The following ZSWIM5 variants were observed in gnomAD, a reference collection of about 807,000 sequenced individuals.
ZSWIM5 encodes zinc finger SWIM domain-containing protein 5.
A neutral mutation model predicts 119.6 loss-of-function variants in ZSWIM5; 55 were observed. That is an observed-to-expected ratio of 0.46 (90% CI 0.37 to 0.58). The LOEUF (loss-of-function observed/expected upper bound fraction) is 0.58, where lower values mean the gene tolerates loss of function less well. ZSWIM5 is among the 20% of genes least tolerant of loss of function. The pLI is 0.00. For synonymous variants in ZSWIM5, 537 were observed against 606.9 expected (o/e 0.88, Z 1.69); for missense variants, 1,193 against 1,512.8 (o/e 0.79, Z 3.51).
intron 1 of ZSWIM5, among the ~76,000 whole-genome samples, chr1:45,111,665 C>T (rs1299292632): frequency 6.6e-6 from 1 of 152,238 alleles, no homozygotes; most frequent in Non-Finnish European, 1.5e-5. Context: ...GCTCATAGCC[C>T]CTTCCTCCAC....
chr1:45,179,210 C>T (rs1251900908), intron 1 of ZSWIM5, among the ~76,000 whole-genome samples: 1 of 152,028 alleles, frequency 6.6e-6, no homozygotes, highest in Non-Finnish European at 1.5e-5. Flanking sequence ...AGGTGCCCAC[C>T]AACAGTGGGT....
intron 1 of ZSWIM5, among the ~76,000 whole-genome samples, chr1:45,151,379 T>C (rs1342723201): frequency 6.6e-6 from 1 of 152,074 alleles, no homozygotes; most frequent in Non-Finnish European, 1.5e-5. Context: ...GCTTGATGGA[T>C]GTTTGCAAAA....
chr1:45,156,755 T>TG (rs2149039857), intron 1 of ZSWIM5, among the ~76,000 whole-genome samples: 1 of 145,114 alleles, frequency 6.9e-6, no homozygotes, highest in Admixed American at 6.9e-5. Context: ...ACTGCACAGG[T>TG]GATTGAGAAA....
At chr1:45,136,189 T>A (rs1339455650) in intron 1 of ZSWIM5, among the ~76,000 whole-genome samples, 1 of 152,134 alleles carries the variant, frequency 6.6e-6, no homozygotes, top group Non-Finnish European at 1.5e-5. Flanking sequence ...GTAGGGCTTT[T>A]TATTATTTAG....
chr1:45,028,933 T>A (rs1458374228), intron 11 of ZSWIM5, among the ~76,000 whole-genome samples: 2 of 152,062 alleles, frequency 1.3e-5, no homozygotes, highest in Non-Finnish European at 2.9e-5. Flanking sequence ...AAAATAAAAT[T>A]TAAAACAAAT....
rs917889655 is a variant in ZSWIM5, at chr1:45,206,601, A to G, written c.-251T>C. On this transcript the variant is annotated 5_prime_UTR_variant, in exon 1 of 14. Coordinates refer to ENST00000359600, the MANE Select transcript of ZSWIM5 (RefSeq NM_020883.2). ...CGGTGTCCTGGCCGCCGCGGACGCGAAGACAGGCGGGAGCGAGCGCGGGCC... is the reference window on the plus strand; with the variant it reads ...CGGTGTCCTGGCCGCCGCGGACGCGGAGACAGGCGGGAGCGAGCGCGGGCC... The G allele has an allele frequency of 4.3e-6, 4 of 932,300 alleles. No individual in the cohort carries two copies. In the African/African-American group the frequency reaches 7.1e-5, roughly 17 times the overall value. 57.8% of individuals were successfully genotyped at this position (932,300 alleles called of 1,614,324 possible).
intron 1 of ZSWIM5, among the ~76,000 whole-genome samples, chr1:45,164,655 G>C (rs998760270): frequency 2.6e-5 from 4 of 151,934 alleles, no homozygotes; most frequent in Non-Finnish European, 1.5e-5. Context: ...AACAAAAGCA[G>C]GAGTTGCAAT....
chr1:45,058,386 T>C (rs554296831), intron 4 of ZSWIM5, among the ~76,000 whole-genome samples: 18 of 152,314 alleles, frequency 1.2e-4, no homozygotes, highest in African/African-American at 3.8e-4. Flanking sequence ...TTCCACTTGT[T>C]AACATCTGGA....
chr1:45,028,101 T>G (rs903066018), intron 11 of ZSWIM5, among the ~76,000 whole-genome samples: 1 of 152,212 alleles, frequency 6.6e-6, no homozygotes, highest in Non-Finnish European at 1.5e-5. Flanking sequence ...TCCGCCCACC[T>G]TGGCCTCCCA....
In ZSWIM5 at chr1:45,022,351, C is replaced by T. The variant is rs532466847; in HGVS notation, c.2450-1563G>A. On this transcript the variant is annotated intron_variant, in intron 11 of 13. Coordinates refer to ENST00000359600, the MANE Select transcript of ZSWIM5 (RefSeq NM_020883.2). ...TTCACCGTGTTAGCCAGGATGGTCT[C>T]GATCTCCTGACCTCATGATCCACCC... is the stretch of plus-strand genomic sequence containing the variant. Among the ~76,000 whole-genome samples the T allele has an allele frequency of 3.8e-4, 58 of 152,026 alleles. 1 individual carries two copies. The highest frequency in any genetic ancestry group is 1.2e-3 in the African/African-American group (50 of 41,476).
intron 8 of ZSWIM5, 55 bp from the exon 9 acceptor site, chr1:45,036,354 C>A (rs896395797): frequency 6.2e-6 from 8 of 1,293,970 alleles, no homozygotes; most frequent in Non-Finnish European, 8.2e-6. Flanking sequence ...AGTCTTCTTT[C>A]TTTTTTTTTT....
At chr1:45,171,563 C>CA (rs1048767138) in intron 1 of ZSWIM5, among the ~76,000 whole-genome samples, 44 of 152,168 alleles carry the variant, frequency 2.9e-4, no homozygotes, top group African/African-American at 1.0e-3. Context: ...ATACTTCTTT[C>CA]AGCTATAGTT....
intron 11 of ZSWIM5, among the ~76,000 whole-genome samples, chr1:45,023,229 T>C (rs1343605883): frequency 6.6e-6 from 1 of 152,206 alleles, no homozygotes; most frequent in Non-Finnish European, 1.5e-5. Flanking sequence ...CTGTGTTCTA[T>C]CTGTTCATCT....
At chr1:45,177,447 C>A (rs1645988220) in intron 1 of ZSWIM5, among the ~76,000 whole-genome samples, 1 of 152,002 alleles carries the variant, frequency 6.6e-6, no homozygotes, top group Admixed American at 6.6e-5. Context: ...AGCAATAGAG[C>A]AATTTCTACA....
In ZSWIM5 at chr1:45,018,242, TC is replaced by T; in HGVS notation, c.*211del. 1 of 625,426 alleles carries T rather than the reference TC, an allele frequency of 1.6e-6. No homozygotes were observed. Among genetic ancestry groups the T allele is most frequent in the South Asian group, 2.1e-5 (1 of 48,752 alleles). 38.7% of individuals were successfully genotyped at this position (625,426 alleles called of 1,614,324 possible). ...TTCTGGTCGATCTGCAGGGCCCAGC[TC>T]CTCCATGAACAGTAGGCTGTAGTCA... On this transcript the variant is annotated 3_prime_UTR_variant, in exon 14 of 14. Transcript: ENST00000359600. This position sits in a 1 kb window ranked among gnomAD's most constrained non-coding sequence, Gnocchi z 6.7.
At position 45,016,428 on chromosome 1, in the gene ZSWIM5, T is replaced by C. The variant is rs1644853711; in HGVS notation, c.*2026A>G. On this transcript the variant is annotated 3_prime_UTR_variant, in exon 14 of 14. Coordinates refer to ENST00000359600, the MANE Select transcript of ZSWIM5 (RefSeq NM_020883.2). ...TTTAGAAAAATGATCTTTTATGTGA[T>C]CCATGATTTATTCATAGAAAAGCAC... The C allele has an allele frequency of 6.6e-6, 1 of 152,208 alleles. No individual in the cohort carries two copies. Among genetic ancestry groups the C allele is most frequent in the Admixed American group, 6.5e-5 (1 of 15,286 alleles). The allele number at this position is 152,208 out of a possible 1,614,324, so 9.4% of individuals were successfully genotyped here.
intron 1 of ZSWIM5, among the ~76,000 whole-genome samples, chr1:45,150,286 T>C (rs1342249637): frequency 3.3e-5 from 5 of 151,504 alleles, no homozygotes; most frequent in Admixed American, 6.6e-5. Flanking sequence ...AATAACCACA[T>C]TGAGATACCA....
At chr1:45,025,760 C>A (rs990453052) in intron 11 of ZSWIM5, among the ~76,000 whole-genome samples, 4 of 152,082 alleles carry the variant, frequency 2.6e-5, no homozygotes, top group Non-Finnish European at 4.4e-5. Flanking sequence ...CATTTGTGAG[C>A]AATATGTACA....
chr1:45,151,277 TTAAGTA>T (rs377157089), intron 1 of ZSWIM5, among the ~76,000 whole-genome samples: 1 of 152,088 alleles, frequency 6.6e-6, no homozygotes, highest in African/African-American at 2.4e-5. Flanking sequence ...ATGTCAACCT[TTAAGTA>T]TAAGTTCCAT....
Sources: allele counts gnomAD v4.1 joint callset (sites outside exome capture counted in the v4.1 genomes callset), GRCh38; gene constraint gnomAD v4.1.1; non-coding constraint Gnocchi (gnomAD v3.1); transcripts MANE v1.5; gene names NCBI Gene and HGNC (gene_info 2026-07-23, HGNC 2026-07-21).